Variants in MAML3 observed in about 807,000 individuals in gnomAD.
The protein encoded by MAML3 is mastermind-like protein 3.
In MAML3, 27 loss-of-function variants were observed where a neutral mutation model predicts 101.9. The ratio of observed to expected loss-of-function variants is 0.27; its 90% CI spans 0.20 to 0.37. The LOEUF is 0.37. Ranked by LOEUF, MAML3 falls within the 10% of genes least tolerant of loss-of-function variation. MAML3 has a pLI of 1.00. For missense variants in MAML3, 1,316 were observed against 1,444.9 expected, an observed-to-expected ratio of 0.91 and a Z score of 1.45; for synonymous variants, 501 against 555.9, an observed-to-expected ratio of 0.90 and a Z score of 1.39.
At chr4:139,792,971 C>T (rs1284765813) in intron 2 of MAML3, among the ~76,000 whole-genome samples, 1 of 152,102 alleles carries the variant, frequency 6.6e-6, no homozygotes, top group Non-Finnish European at 1.5e-5. Context: ...TGGTCTTGAT[C>T]TCCTGACCTT....
At chr4:139,781,205 G>A (rs1276355935) in intron 2 of MAML3, among the ~76,000 whole-genome samples, 2 of 151,990 alleles carry the variant, frequency 1.3e-5, no homozygotes. Context: ...AGTTGCAGAG[G>A]AAAACCCAGA....
At chr4:139,904,873 G>C (rs1347119299) in intron 1 of MAML3, among the ~76,000 whole-genome samples, 2 of 152,188 alleles carry the variant, frequency 1.3e-5, no homozygotes, top group Non-Finnish European at 2.9e-5. Context: ...TAACACAATG[G>C]TAATTGGTTG....
At chr4:139,859,495 T>C (rs1731729317) in intron 2 of MAML3, among the ~76,000 whole-genome samples, 1 of 152,004 alleles carries the variant, frequency 6.6e-6, no homozygotes, top group Non-Finnish European at 1.5e-5. Context: ...GCGTGAGCCA[T>C]CGTGCCCAGC....
At chr4:139,941,145 G>A (rs1733589474) in intron 1 of MAML3, among the ~76,000 whole-genome samples, 1 of 152,108 alleles carries the variant, frequency 6.6e-6, no homozygotes, top group Non-Finnish European at 1.5e-5. Flanking sequence ...TTTAAAACTT[G>A]TTTTCTCTTT....
At chr4:140,120,203 C>G (rs1384606818) in intron 1 of MAML3, among the ~76,000 whole-genome samples, 2 of 145,234 alleles carry the variant, frequency 1.4e-5, no homozygotes, top group South Asian at 2.2e-4. Context: ...CGCCACCGCA[C>G]TCCAGCCTGG....
chr4:140,146,397 AATG>A (rs1157231627), intron 1 of MAML3, among the ~76,000 whole-genome samples: 1 of 152,174 alleles, frequency 6.6e-6, no homozygotes, highest in African/African-American at 2.4e-5. Context: ...TGATCCACTG[AATG>A]GAACCCCATG....
intron 1 of MAML3, among the ~76,000 whole-genome samples, chr4:140,142,806 T>G (rs911516733): frequency 1.1e-4 from 16 of 152,204 alleles, no homozygotes; most frequent in African/African-American, 3.9e-4. Flanking sequence ...CCTTCCTGTA[T>G]GCTTCTTTCT....
chr4:140,131,973 A>G (rs972843623), intron 1 of MAML3, among the ~76,000 whole-genome samples: 1 of 152,230 alleles, frequency 6.6e-6, no homozygotes, highest in Non-Finnish European at 1.5e-5. Flanking sequence ...GCTTCTCCTA[A>G]TAAAGTAACA....
At chr4:140,092,118 A>AATAT (rs1728069922) in intron 1 of MAML3, among the ~76,000 whole-genome samples, 1 of 135,346 alleles carries the variant, frequency 7.4e-6, no homozygotes, top group Non-Finnish European at 1.6e-5. Context: ...ATATATATAT[A>AATAT]CGTATATATA....
At chr4:139,951,465 G>A (rs1198896418) in intron 1 of MAML3, among the ~76,000 whole-genome samples, 3 of 152,226 alleles carry the variant, frequency 2.0e-5, no homozygotes, top group Non-Finnish European at 4.4e-5. Flanking sequence ...GAGGCCTGGA[G>A]GGCAGGGAGC....
intron 2 of MAML3, among the ~76,000 whole-genome samples, chr4:139,790,354 C>G (rs969303599): frequency 6.7e-6 from 1 of 148,604 alleles, no homozygotes; most frequent in Admixed American, 6.7e-5. Context: ...TCTTTTTTTG[C>G]TTTATGTACA....
chr4:139,946,885 T>A (rs1733737549), intron 1 of MAML3, among the ~76,000 whole-genome samples: 1 of 117,972 alleles, frequency 8.5e-6, no homozygotes. Context: ...CCAGGCAGAG[T>A]AAGCCACACA....
chr4:140,043,006 G>A (rs147813040), intron 1 of MAML3, among the ~76,000 whole-genome samples: 7 of 152,072 alleles, frequency 4.6e-5, no homozygotes, highest in African/African-American at 1.4e-4. Flanking sequence ...CAGGAACAAG[G>A]ACCCAAATCT....
At chr4:139,855,779 T>C (rs571062010) in intron 2 of MAML3, among the ~76,000 whole-genome samples, 43 of 152,306 alleles carry the variant, frequency 2.8e-4, no homozygotes, top group African/African-American at 9.6e-4. Context: ...CCCCTTCTTT[T>C]TAAGTTCTAA....
chr4:139,914,498 A>G (rs1032055012), intron 1 of MAML3, among the ~76,000 whole-genome samples: 6 of 151,152 alleles, frequency 4.0e-5, no homozygotes, highest in African/African-American at 7.3e-5. Flanking sequence ...TGTGGGGAGG[A>G]AAAAAAAAGA....
At chr4:139,826,928 GAAATA>G (rs145509330) in intron 2 of MAML3, among the ~76,000 whole-genome samples, 52,891 of 151,512 alleles carry the variant, frequency 0.35, 9,741 homozygotes, top group Admixed American at 0.42. Context: ...CACTGCAAAT[GAAATA>G]AAATAAGAAA....
At chr4:139,874,808 T>TG (rs1489769455) in intron 2 of MAML3, among the ~76,000 whole-genome samples, 1 of 149,450 alleles carries the variant, frequency 6.7e-6, no homozygotes, top group Non-Finnish European at 1.5e-5. Flanking sequence ...ATCTTTCCTT[T>TG]TTTTTTTTTT....
intron 1 of MAML3, among the ~76,000 whole-genome samples, chr4:139,942,125 A>C (rs113564654): frequency 2.8e-4 from 42 of 151,866 alleles, no homozygotes; most frequent in African/African-American, 9.9e-4. Context: ...TAAGAGCAAA[A>C]CTCCATCAAA....
chr4:140,115,019 G>C (rs971695559), intron 1 of MAML3, among the ~76,000 whole-genome samples: 1 of 152,082 alleles, frequency 6.6e-6, no homozygotes, highest in Non-Finnish European at 1.5e-5. Flanking sequence ...TTAAATAAAA[G>C]CTCTGAATTC....
Sources: gnomAD v4.1 joint callset for allele counts (sites outside exome capture counted in the v4.1 genomes callset) on GRCh38, gnomAD v4.1.1 for gene constraint, MANE v1.5 for transcripts, NCBI Gene and HGNC (gene_info 2026-07-23, HGNC 2026-07-21) for gene names.